The following PHACTR2 variants were observed in gnomAD, a reference collection of about 807,000 sequenced individuals.
PHACTR2 encodes the protein chromosome 6 open reading frame 56.
A neutral mutation model predicts 76.0 loss-of-function variants in PHACTR2; 30 were observed. The observed-to-expected ratio is 0.39, with a 90% CI of 0.30 to 0.54. The LOEUF is 0.54. Ranked by LOEUF, PHACTR2 falls within the 20% of genes least tolerant of loss-of-function variation. The pLI is 0.61. For missense variants in PHACTR2, 696 were observed against 781.1 expected (o/e 0.89, Z 1.30); for synonymous variants, 292 against 292.5 (o/e 1.00, Z 0.02).
At chr6:143,798,780 G>A (rs1040231123) in intron 11 of PHACTR2, among the ~76,000 whole-genome samples, 2 of 152,152 alleles carry the variant, frequency 1.3e-5, no homozygotes, top group Non-Finnish European at 2.9e-5. Context: ...CTGCTGGATT[G>A]GGTTTGCCAG....
In PHACTR2 at chr6:143,541,566, C is replaced by T. The variant is rs994698962; in HGVS notation, c.217+4359C>T. On this transcript the variant is annotated intron_variant, in intron 1 of 11. Coordinates refer to the PHACTR2 transcript ENST00000367584. This position sits in a 1 kb window ranked among gnomAD's most constrained non-coding sequence, Gnocchi z 5.3. ...GCTTAATGTGCAAGTACAATCTCAT[C>T]TTTTTATTACTGTGATTCATCTCTT... is the stretch of plus-strand genomic sequence containing the variant. 6.6e-6 allele frequency among the ~76,000 whole-genome samples: 1 copy of T among 152,208 alleles called. No individual in the cohort carries two copies. The highest frequency in any genetic ancestry group is 2.1e-4 in the South Asian group (1 of 4,834).
rs911398585 is a variant in PHACTR2 at position 143,807,292 on chromosome 6, T to G, written c.1922+159T>G. Among the ~76,000 whole-genome samples, 3 of 152,240 alleles carry G rather than the reference T, an allele frequency of 2.0e-5. No homozygotes were observed. The highest frequency in any genetic ancestry group is 4.4e-5 in the Non-Finnish European group (3 of 68,044). On this transcript the variant is annotated intron_variant, in intron 12 of 12. Coordinates refer to ENST00000440869, the MANE Select transcript of PHACTR2 (RefSeq NM_001100164.2). This position sits in a 1 kb window ranked among gnomAD's most constrained non-coding sequence, Gnocchi z 5.5. ...TTAAACAGTTTAGCTTAAAACCATC[T>G]TATGAACATTTCCGCTTCTCTCACA...
chr6:143,773,069 T>C (rs2128475501), intron 7 of PHACTR2, among the ~76,000 whole-genome samples: 1 of 152,072 alleles, frequency 6.6e-6, no homozygotes, highest in East Asian at 1.9e-4. Flanking sequence ...AAAATCCAGA[T>C]GGGCATGCTA....
chr6:143,725,403 T>C (rs1778542369), intron 2 of PHACTR2, among the ~76,000 whole-genome samples: 1 of 148,710 alleles, frequency 6.7e-6, no homozygotes, highest in Non-Finnish European at 1.5e-5. Context: ...GGTTTCACCA[T>C]GTTAGCCAGG....
At chr6:143,552,852 C>T (rs2128427607) in intron 1 of PHACTR2, among the ~76,000 whole-genome samples, 1 of 146,008 alleles carries the variant, frequency 6.8e-6, no homozygotes, top group South Asian at 2.2e-4. Context: ...CACTGCACTC[C>T]AGCCTTGGCA....
chr6:143,632,852 A>C (rs1158219644), intron 1 of PHACTR2, among the ~76,000 whole-genome samples: 3 of 152,166 alleles, frequency 2.0e-5, no homozygotes, highest in Non-Finnish European at 4.4e-5. Context: ...AGTTGGAATC[A>C]TATGGTATAT....
rs571474746 is a variant in PHACTR2 at position 143,742,733 on chromosome 6, C to G, written c.215-6252C>G. Among the ~76,000 whole-genome samples, 1 of 152,048 alleles carries G rather than the reference C, an allele frequency of 6.6e-6. No homozygotes were observed. Among genetic ancestry groups the G allele is most frequent in the Non-Finnish European group, 1.5e-5 (1 of 67,990 alleles). ...TAGACATGCCTTTCCTCCTTCCCCC[C>G]AAAAAGACACTTAGGTCCCCAATAT... On this transcript the variant is annotated intron_variant, in intron 2 of 12. Transcript: ENST00000440869. The surrounding 1 kb of genome is among the most constrained non-coding windows in gnomAD (Gnocchi z 4.5).
chr6:143,810,491 A>C, intron 12 of PHACTR2: 1 of 435,912 alleles, frequency 2.3e-6, no homozygotes, highest in Non-Finnish European at 4.6e-6. Context: ...GATGAACAAT[A>C]ATACCCCATT....
intron 6 of PHACTR2, among the ~76,000 whole-genome samples, chr6:143,771,178 A>G (rs905509940): frequency 0.086 from 2,134 of 24,902 alleles, 49 homozygotes; most frequent in East Asian, 0.22. Context: ...ATATATGTAT[A>G]TATATATATA....
chr6:143,648,500 A>T lies in PHACTR2; in HGVS notation c.13+40178A>T, dbSNP rs1776697595. ...GACCAAACAAAGCATGGCTGATAGA[A>T]AGGGAAGCCTGCGATGGGTGGGTTG... is the stretch of plus-strand genomic sequence containing the variant. On this transcript the variant is annotated intron_variant, in intron 1 of 11. Coordinates refer to the PHACTR2 transcript ENST00000305766. This position sits in a 1 kb window ranked among gnomAD's most constrained non-coding sequence, Gnocchi z 6.7. Among the ~76,000 whole-genome samples, 1 of 152,164 alleles carries T rather than the reference A, an allele frequency of 6.6e-6. No individual in the cohort carries two copies. Among genetic ancestry groups the T allele is most frequent in the Non-Finnish European group, 1.5e-5 (1 of 68,032 alleles).
At position 143,774,349 on chromosome 6, in the gene PHACTR2, T is replaced by C; in HGVS notation, c.1589+134T>C. On this transcript the variant is annotated intron_variant, in intron 8 of 12. Coordinates refer to ENST00000440869, the MANE Select transcript of PHACTR2 (RefSeq NM_001100164.2). This position sits in a 1 kb window ranked among gnomAD's most constrained non-coding sequence, Gnocchi z 5.4. Reference sequence around the variant, plus strand: ...GGCCTACTGGGTCTTTTAAAGTTGGTCTTGCATGATGAAACACTCGAAGAA... The same window carrying C: ...GGCCTACTGGGTCTTTTAAAGTTGGCCTTGCATGATGAAACACTCGAAGAA... The C allele has an allele frequency of 1.7e-6, 1 of 595,290 alleles. No homozygotes were observed. Among genetic ancestry groups the C allele is most frequent in the Non-Finnish European group, 2.8e-6 (1 of 363,296 alleles). The allele number at this position is 595,290 out of a possible 1,614,324, so 36.9% of individuals were successfully genotyped here.
chr6:143,651,963 C>G (rs1162769831), intron 1 of PHACTR2, among the ~76,000 whole-genome samples: 1 of 151,340 alleles, frequency 6.6e-6, no homozygotes, highest in Non-Finnish European at 1.5e-5. Context: ...AGGCAGCCAC[C>G]TACAAACCCA....
chr6:143,601,139 G>A (rs145788104), intron 1 of PHACTR2, among the ~76,000 whole-genome samples: 9 of 152,308 alleles, frequency 5.9e-5, no homozygotes, highest in East Asian at 1.9e-4. Context: ...ATTAGGCACC[G>A]TGCCTGGTAA....
Position 143,570,259 on chromosome 6 carries a change from G to C in PHACTR2, c.217+33052G>C, listed in dbSNP as rs13194847. Among the ~76,000 whole-genome samples the C allele has an allele frequency of 0.26, 39,944 of 152,078 alleles. 5,266 individuals carry two copies. The highest frequency in any genetic ancestry group is 0.4 in the South Asian group (1,907 of 4,824). ...ATTTGCTTTGCTGATATTAAAAAAC[G>C]AGGTTGCTGTTGGTCTGAGTCACAG... On this transcript the variant is annotated intron_variant, in intron 1 of 11. Transcript: ENST00000367584. This position sits in a 1 kb window ranked among gnomAD's most constrained non-coding sequence, Gnocchi z 4.6.
At chr6:143,563,848 C>G (rs1484045013) in intron 1 of PHACTR2, among the ~76,000 whole-genome samples, 1 of 147,772 alleles carries the variant, frequency 6.8e-6, no homozygotes, top group Non-Finnish European at 1.5e-5. Flanking sequence ...AAAAAAAATA[C>G]AAAAAATTAG....
At chr6:143,668,226 G>A (rs562559731) in intron 1 of PHACTR2, among the ~76,000 whole-genome samples, 4 of 152,236 alleles carry the variant, frequency 2.6e-5, no homozygotes, top group Non-Finnish European at 5.9e-5. Context: ...GGATGCAGCC[G>A]ACTTGATCGT....
intron 12 of PHACTR2, among the ~76,000 whole-genome samples, chr6:143,817,340 GC>G (rs1313769180): frequency 1.3e-5 from 2 of 152,196 alleles, no homozygotes; most frequent in Non-Finnish European, 2.9e-5. Flanking sequence ...TTTTAGAAAA[GC>G]TGAACCTTAG....
At position 143,823,892 on chromosome 6, in the gene PHACTR2, G is replaced by C. The variant is rs1488612674; in HGVS notation, c.*203G>C. ...TCCAACAAGCAAAAGGAAGGATGCAGTGACTCTTGCTGCCCAGAATGCACA... is the reference window on the plus strand; with the variant it reads ...TCCAACAAGCAAAAGGAAGGATGCACTGACTCTTGCTGCCCAGAATGCACA... On this transcript the variant is annotated 3_prime_UTR_variant, in exon 13 of 13. Transcript: ENST00000440869. This position sits in a 1 kb window ranked among gnomAD's most constrained non-coding sequence, Gnocchi z 5.7. 1 of 504,030 alleles carries C rather than the reference G, an allele frequency of 2.0e-6. No individual in the cohort carries two copies. The highest frequency in any genetic ancestry group is 1.9e-5 in the African/African-American group (1 of 52,498). The allele number at this position is 504,030 out of a possible 1,614,324, so 31.2% of individuals were successfully genotyped here.
chr6:143,641,828 C>A lies in PHACTR2; in HGVS notation c.13+33506C>A, dbSNP rs1245058367. ...GCCAAATTTCTGTTGTTTTAAGTCA[C>A]CAAGCTTGTGGTAATTTGTCATGAC... On this transcript the variant is annotated intron_variant, in intron 1 of 11. Transcript: ENST00000305766. The surrounding 1 kb of genome is among the most constrained non-coding windows in gnomAD (Gnocchi z 5.8). 6.6e-6 allele frequency among the ~76,000 whole-genome samples: 1 copy of A among 152,102 alleles called. No individual in the cohort carries two copies. Among genetic ancestry groups the A allele is most frequent in the Admixed American group, 6.6e-5 (1 of 15,252 alleles).
Sources: gnomAD v4.1 joint callset for allele counts (sites outside exome capture counted in the v4.1 genomes callset) on GRCh38, gnomAD v4.1.1 for gene constraint, Gnocchi (gnomAD v3.1) non-coding constraint, MANE v1.5 for transcripts, NCBI Gene and HGNC (gene_info 2026-07-23, HGNC 2026-07-21) for gene names.